Variants in KAZN observed in about 807,000 individuals in gnomAD.
KAZN encodes the protein kazrin, periplakin interacting protein.
In KAZN, 40 loss-of-function variants were observed where a neutral mutation model predicts 87.4. The ratio of observed to expected loss-of-function variants is 0.46; its 90% confidence interval spans 0.36 to 0.60. The LOEUF (loss-of-function observed/expected upper bound fraction) is 0.60, where lower values mean the gene tolerates loss of function less well. Ranked by LOEUF, KAZN falls within the 20% of genes least tolerant of loss-of-function variation. The pLI, the probability that KAZN is intolerant of heterozygous loss-of-function variation, is 0.00. For synonymous variants in KAZN, 466 were observed against 458.3 expected (o/e 1.02, Z -0.22); for missense variants, 898 against 1,073.9 (o/e 0.84, Z 2.29).
chr1:13,923,478 C>A (rs1640143263), intron 1 of KAZN, among the ~76,000 whole-genome samples: 1 of 147,026 alleles, frequency 6.8e-6, no homozygotes, highest in African/African-American at 2.5e-5. Context: ...GAGGCTGAGG[C>A]AGGAGAATGG....
At chr1:14,130,693 T>TTCC (rs1644974191) in intron 1 of KAZN, among the ~76,000 whole-genome samples, 1 of 152,178 alleles carries the variant, frequency 6.6e-6, no homozygotes, top group African/African-American at 2.4e-5. Flanking sequence ...GGTTGACTGA[T>TTCC]TCCTCCTCAG....
In KAZN at chr1:14,974,714, G is replaced by T. The variant is rs149448658; in HGVS notation, c.418+13839G>T. On this transcript the variant is annotated intron_variant, in intron 2 of 14. Transcript: ENST00000376030. ...GAGTGACAGAGTCCAGGGGAAAAAT[G>T]TATATAGGATATGATTCCATTTAAG... Among the ~76,000 whole-genome samples, 5 of 152,316 alleles carry T rather than the reference G, an allele frequency of 3.3e-5. No individual in the cohort carries two copies. The East Asian group carries it at 9.6e-4, about 29-fold the overall frequency.
At chr1:14,530,476 T>C (rs978725753) in intron 2 of KAZN, among the ~76,000 whole-genome samples, 1 of 152,132 alleles carries the variant, frequency 6.6e-6, no homozygotes, top group Admixed American at 6.5e-5. Flanking sequence ...TGATCCCCAA[T>C]GTTGGAGGTG....
intron 1 of KAZN, among the ~76,000 whole-genome samples, chr1:14,822,568 G>A (rs182843981): frequency 1.6e-4 from 24 of 152,258 alleles, no homozygotes; most frequent in African/African-American, 4.6e-4. Flanking sequence ...CCTGGGCTGC[G>A]TGTCCTTCCG....
intron 2 of KAZN, among the ~76,000 whole-genome samples, chr1:14,439,702 G>A (rs563556525): frequency 1.5e-4 from 23 of 152,176 alleles, no homozygotes; most frequent in Non-Finnish European, 3.2e-4. Flanking sequence ...AGTCACATGA[G>A]GCAGTGGCCG....
At chr1:14,162,549 T>TC (rs1645730961) in intron 1 of KAZN, among the ~76,000 whole-genome samples, 2 of 107,632 alleles carry the variant, frequency 1.9e-5, no homozygotes, top group Admixed American at 1.0e-4. Flanking sequence ...TCTTTTTTCT[T>TC]TTTTTTTTTT....
intron 1 of KAZN, among the ~76,000 whole-genome samples, chr1:14,624,337 G>A (rs184107068): frequency 8.6e-5 from 13 of 151,894 alleles, no homozygotes; most frequent in East Asian, 5.8e-4. Context: ...CAGGAGAATC[G>A]CTTGAATCCG....
chr1:14,341,776 T>G (rs1463282585), intron 2 of KAZN, among the ~76,000 whole-genome samples: 1 of 152,220 alleles, frequency 6.6e-6, no homozygotes, highest in Admixed American at 6.5e-5. Context: ...TACTCACTAC[T>G]TCCTGGCAAG....
intron 2 of KAZN, among the ~76,000 whole-genome samples, chr1:14,308,169 C>T (rs1386838911): frequency 6.6e-6 from 1 of 152,114 alleles, no homozygotes; most frequent in African/African-American, 2.4e-5. Context: ...GCAATGTGTA[C>T]TTTCAGGTTG....
At chr1:14,291,519 C>T (rs1653692504) in intron 2 of KAZN, among the ~76,000 whole-genome samples, 3 of 152,170 alleles carry the variant, frequency 2.0e-5, no homozygotes, top group Non-Finnish European at 4.4e-5. Flanking sequence ...TCCTGGTGTG[C>T]CTTTTGCTAA....
At chr1:14,616,492 G>C (rs999242602) in intron 1 of KAZN, among the ~76,000 whole-genome samples, 1 of 151,790 alleles carries the variant, frequency 6.6e-6, no homozygotes, top group African/African-American at 2.4e-5. Context: ...AAAAGTACAA[G>C]CCAGATGCCC....
intron 1 of KAZN, among the ~76,000 whole-genome samples, chr1:14,056,928 C>T (rs1340110641): frequency 6.6e-6 from 1 of 151,714 alleles, no homozygotes; most frequent in East Asian, 2.0e-4. Context: ...CCTGTAGTCC[C>T]AGCTACTCGG....
intron 1 of KAZN, among the ~76,000 whole-genome samples, chr1:14,954,851 G>A (rs980506440): frequency 6.6e-6 from 1 of 152,172 alleles, no homozygotes; most frequent in South Asian, 2.1e-4. Flanking sequence ...AGCTACTCGG[G>A]AGGCTGAGGC....
chr1:14,627,007 T>C (rs575101643), intron 1 of KAZN, among the ~76,000 whole-genome samples: 33 of 152,172 alleles, frequency 2.2e-4, no homozygotes, highest in Admixed American at 2.2e-3. Flanking sequence ...TATTACTTGG[T>C]AAATATTTAT....
chr1:14,674,419 T>C (rs911291886), intron 1 of KAZN, among the ~76,000 whole-genome samples: 1 of 152,254 alleles, frequency 6.6e-6, no homozygotes, highest in Non-Finnish European at 1.5e-5. Flanking sequence ...CACCCTGGGC[T>C]CCTGGAAGGA....
Position 14,599,670 on chromosome 1 carries a change from T to C in KAZN, c.226+447T>C, listed in dbSNP as rs1676795586. Among the ~76,000 whole-genome samples the C allele has an allele frequency of 6.6e-6, 1 of 152,234 alleles. No individual in the cohort carries two copies. Among genetic ancestry groups the C allele is most frequent in the Non-Finnish European group, 1.5e-5 (1 of 68,034 alleles). On this transcript the variant is annotated intron_variant, in intron 1 of 14. Coordinates refer to ENST00000376030, the MANE Select transcript of KAZN (RefSeq NM_201628.3). The surrounding 1 kb of genome is among the most constrained non-coding windows in gnomAD (Gnocchi z 4.4). ...TGCCGCCGTGGTTGGGATAGAGGAT[T>C]GCACTGCTGTGCACTTTTCTCCGCG... is the stretch of plus-strand genomic sequence containing the variant.
intron 2 of KAZN, among the ~76,000 whole-genome samples, chr1:14,236,619 A>G (rs1648444570): frequency 6.6e-6 from 1 of 152,120 alleles, no homozygotes; most frequent in African/African-American, 2.4e-5. Context: ...CCATGATCAT[A>G]TTGCATAAAA....
At position 14,278,291 on chromosome 1, in the gene KAZN, C is replaced by CTT. The variant is rs869207394; in HGVS notation, c.249+97715_249+97716dup. Among the ~76,000 whole-genome samples the CTT allele has an allele frequency of 1.1e-3, 151 of 135,068 alleles. 2 individuals carry two copies. Among genetic ancestry groups the CTT allele is most frequent in the African/African-American group, 3.2e-3 (114 of 36,174 alleles). 88.6% of individuals were successfully genotyped at this position (135,068 alleles called of 152,430 possible). A position where few individuals can be genotyped will look rare whatever the true frequency, so the allele number is the denominator to read the frequency against. ...CACACCTGAAAATTAGCACTGATTCCTTTTTTTTTTTTTTTTTGAGATGGA... is the reference window on the plus strand; with the variant it reads ...CACACCTGAAAATTAGCACTGATTCCTTTTTTTTTTTTTTTTTTTGAGATGGA... On this transcript the variant is annotated intron_variant, in intron 2 of 16. Transcript: ENST00000636203.
At chr1:14,036,727 T>G (rs895307997) in intron 1 of KAZN, among the ~76,000 whole-genome samples, 10 of 152,078 alleles carry the variant, frequency 6.6e-5, no homozygotes, top group Non-Finnish European at 1.2e-4. Flanking sequence ...AACCCGATCA[T>G]CTAGGGAGAA....
Sources: gnomAD v4.1 joint callset for allele counts (sites outside exome capture counted in the v4.1 genomes callset) on GRCh38, gnomAD v4.1.1 for gene constraint, Gnocchi (gnomAD v3.1) non-coding constraint, MANE v1.5 for transcripts, NCBI Gene and HGNC (gene_info 2026-07-23, HGNC 2026-07-21) for gene names.